Variants in DDHD2 observed in about 807,000 individuals in gnomAD.
DDHD2 encodes DDHD domain containing 2.
A neutral mutation model predicts 91.2 loss-of-function variants in DDHD2; 62 were observed. The observed-to-expected ratio is 0.68, with a 90% confidence interval of 0.55 to 0.84. DDHD2 has a LOEUF of 0.84. DDHD2 is among the 40% of genes least tolerant of loss of function. The pLI is 0.00. For synonymous variants in DDHD2, 271 were observed against 293.9 expected, an observed-to-expected ratio of 0.92 and a Z score of 0.80; for missense variants, 740 against 846.9, an observed-to-expected ratio of 0.87 and a Z score of 1.57.
downstream of DDHD2, chr8:38,264,906 C>A: frequency 1.2e-6 from 2 of 1,612,760 alleles, no homozygotes; most frequent in Non-Finnish European, 1.7e-6. Context: ...AACAAAGGTC[C>A]ACTTATTGCT....
chr8:38,236,018 TTTG>T lies in DDHD2; in HGVS notation c.411+1444_411+1446del, dbSNP rs1210318432. On this transcript the variant is annotated intron_variant, in intron 3 of 17. Coordinates refer to ENST00000397166, the MANE Select transcript of DDHD2 (RefSeq NM_015214.3). ...AAATTGGAGTAGAGCGTTAGTATTT[TTTG>T]TTGTTGTTGAAACAAGAGTGTCGTT... Among the ~76,000 whole-genome samples, 14 of 152,326 alleles carry T rather than the reference TTTG, an allele frequency of 9.2e-5. No homozygotes were observed. In the South Asian group the frequency reaches 2.1e-3, roughly 23 times the overall value.
intron 5 of DDHD2, among the ~76,000 whole-genome samples, chr8:38,239,602 G>A (rs1177538194): frequency 1.3e-4 from 18 of 141,784 alleles, no homozygotes; most frequent in African/African-American, 4.7e-4. Context: ...CAGGAGAATC[G>A]CTTAAACCCG....
intron 16 of DDHD2, among the ~76,000 whole-genome samples, chr8:38,258,501 C>G (rs1215365212): frequency 6.6e-6 from 1 of 152,176 alleles, no homozygotes; most frequent in African/African-American, 2.4e-5. Context: ...GATCTGCCTG[C>G]CTCGACCTCC....
At position 38,268,898 on chromosome 8, in the gene DDHD2, G is replaced by T. The variant is rs183632132; in HGVS notation, n.88-2224G>T. 1.0e-5 allele frequency: 16 copies of T among 1,556,512 alleles called. No individual in the cohort carries two copies. The South Asian group carries it at 1.8e-4, about 17-fold the overall frequency. On this transcript the variant is annotated intron_variant and non_coding_transcript_variant, in intron 1 of 1. Transcript: ENST00000526071. Reference sequence around the variant, plus strand: ...TCCACGCACAAACATCGGCTTGGTGGGGAAATACTCCGCCTCCACGTAGGG... The same window carrying T: ...TCCACGCACAAACATCGGCTTGGTGTGGAAATACTCCGCCTCCACGTAGGG...
intron 3 of DDHD2, among the ~76,000 whole-genome samples, 172 bp downstream of exon 3, chr8:38,234,756 G>A (rs1563296646): frequency 6.6e-6 from 1 of 150,958 alleles, no homozygotes; most frequent in Non-Finnish European, 1.5e-5. Context: ...GGATAAAGTA[G>A]TCTTATTTTC....
intron 16 of DDHD2, among the ~76,000 whole-genome samples, chr8:38,259,465 A>C (rs1394283107): frequency 6.6e-6 from 1 of 151,270 alleles, no homozygotes; most frequent in East Asian, 1.9e-4. Flanking sequence ...GGCTCACTGC[A>C]ACCTCCGCTT....
intron 5 of DDHD2, chr8:38,238,815 G>A: frequency 2.0e-6 from 1 of 511,840 alleles, no homozygotes; most frequent in Non-Finnish European, 2.5e-6. Flanking sequence ...ACTGTATTAT[G>A]GTTATGTAAG....
At chr8:38,246,061 C>T (rs941286861) in intron 8 of DDHD2, 111 bp downstream of exon 8, 89 of 1,261,318 alleles carry the variant, frequency 7.1e-5, no homozygotes, top group Non-Finnish European at 1.0e-4. Flanking sequence ...TAGAAGTGGT[C>T]TGTGGTCAGG....
intron 1 of DDHD2, chr8:38,268,120 C>G (rs571076828): frequency 6.9e-7 from 1 of 1,449,016 alleles, no homozygotes; most frequent in South Asian, 1.5e-5. Flanking sequence ...CTTTTGTAGC[C>G]GAGAACTTTT....
intron 2 of DDHD2, among the ~76,000 whole-genome samples, chr8:38,234,049 T>G (rs1804504585): frequency 1.3e-5 from 2 of 152,206 alleles, no homozygotes; most frequent in Non-Finnish European, 1.5e-5. Flanking sequence ...CTATTTATAC[T>G]GAATCATCAT....
chr8:38,255,066 A>G lies in DDHD2; in HGVS notation c.2054+1348A>G, dbSNP rs566447199. 3.9e-5 allele frequency among the ~76,000 whole-genome samples: 6 copies of G among 152,102 alleles called. No homozygotes were observed. The South Asian group carries it at 1.2e-3, about 32-fold the overall frequency. On this transcript the variant is annotated intron_variant, in intron 16 of 17. Transcript: ENST00000397166. ...TACAATTAGCCAGGTGTGGTGGTGC[A>G]TGCCTGTAGTCCCAGCTACTAGGGA...
At chr8:38,264,618 A>C, downstream of DDHD2, 1 of 1,579,914 alleles carries the variant, frequency 6.3e-7, no homozygotes, top group East Asian at 2.3e-5. Context: ...AAGAGAGTGG[A>C]AACAAGGTCT....
intron 6 of DDHD2, chr8:38,241,981 G>T: frequency 3.3e-6 from 1 of 305,826 alleles, no homozygotes; most frequent in South Asian, 4.7e-5. Context: ...TTAAACCAGT[G>T]AGGTGGAGGC....
rs559545585 is a variant in DDHD2, at chr8:38,245,724, T to C, written c.849-18T>C. On this transcript the variant is annotated intron_variant, in intron 7 of 17. Coordinates refer to ENST00000397166, the MANE Select transcript of DDHD2 (RefSeq NM_015214.3). ...GTGTATTTAGGTTTCCTGCTTATAT[T>C]ATTTTTCCTTTTTTCAGAGATCTGC... 2.7e-5 allele frequency: 44 copies of C among 1,611,526 alleles called. No homozygotes were observed. In the South Asian group the frequency reaches 4.6e-4, roughly 17 times the overall value.
At position 38,236,160 on chromosome 8, in the gene DDHD2, C is replaced by T. The variant is rs532816455; in HGVS notation, c.412-1378C>T. On this transcript the variant is annotated intron_variant, in intron 3 of 17. Coordinates refer to ENST00000397166, the MANE Select transcript of DDHD2 (RefSeq NM_015214.3). ...CCCAAGTAGCTGGGACTACAGGCGC[C>T]CGCCACCACGCCCAGCTAATTTTTT... 7.3e-5 allele frequency among the ~76,000 whole-genome samples: 11 copies of T among 150,398 alleles called. No individual in the cohort carries two copies. In the East Asian group the frequency reaches 2.2e-3, roughly 30 times the overall value.
chr8:38,267,272 G>T, downstream of DDHD2: 1 of 1,613,990 alleles, frequency 6.2e-7, no homozygotes, highest in Non-Finnish European at 8.5e-7. Context: ...CATACAGGAA[G>T]AATGTCCACT....
In DDHD2 at chr8:38,244,976, TATTA is replaced by T. The variant is rs1244262631; in HGVS notation, c.849-765_849-762del. On this transcript the variant is annotated intron_variant, in intron 7 of 17. Transcript: ENST00000397166. The stretch of plus-strand genomic sequence containing the variant: ...TAGTCTGTTCAAATTTCCAGTTGTC[TATTA>T]TATTTTTATACATATTTTATACATA... Among the ~76,000 whole-genome samples, 3 of 151,730 alleles carry T rather than the reference TATTA, an allele frequency of 2.0e-5. No homozygotes were observed. In the South Asian group the frequency reaches 6.2e-4, roughly 31 times the overall value.
intron 16 of DDHD2, chr8:38,255,372 G>C (rs1393139052): frequency 2.0e-6 from 1 of 496,576 alleles, no homozygotes; most frequent in East Asian, 5.7e-5. Context: ...CTGGTGATCT[G>C]GCTTGATAGA....
chr8:38,248,373 T>G (rs956009662), intron 10 of DDHD2, among the ~76,000 whole-genome samples: 6 of 151,546 alleles, frequency 4.0e-5, no homozygotes, highest in South Asian at 2.1e-4. Flanking sequence ...CTGATTTGTT[T>G]TTTTTTTTTT....
Sources: allele counts gnomAD v4.1 joint callset (sites outside exome capture counted in the v4.1 genomes callset), GRCh38; gene constraint gnomAD v4.1.1; transcripts MANE v1.5; gene names NCBI Gene and HGNC (gene_info 2026-07-23, HGNC 2026-07-21).